HES3: variants seen among roughly 807,000 people sequenced by gnomAD.
HES3 encodes the protein hes family bHLH transcription factor 3, also known as transcription factor HES-3.
HES3 carries 6 observed loss-of-function variants against 8.0 expected under a neutral mutation model. That is an observed-to-expected ratio of 0.75 (90% CI 0.41 to 1.49). HES3 has a LOEUF of 1.49. Ranked by LOEUF, HES3 falls within the 40% of genes most tolerant of loss-of-function variation. The pLI, the probability that HES3 is intolerant of heterozygous loss-of-function variation, is 0.01. For synonymous variants in HES3, 121 were observed against 119.4 expected (o/e 1.01, Z -0.09); for missense variants, 266 against 260.9 (o/e 1.02, Z -0.13).
chr1:6,244,589 G>C lies in HES3; in HGVS notation c.123G>C (p.Leu41Phe). The part of the protein sequence containing the change: ...RKLEKADILE[L>F]SVKYMRSLQN... ...TGGAGAAGGCCGACATCCTGGAGTTGAGCGTGAAGTACATGAGAAGCCTTC... is the reference window on the plus strand; with the variant it reads ...TGGAGAAGGCCGACATCCTGGAGTTCAGCGTGAAGTACATGAGAAGCCTTC... Residue 41 changes from leucine (L) to phenylalanine (F), a missense_variant, in exon 3 of 4, where the codon TTG (leucine) becomes TTC (phenylalanine). Physicochemically the swap from Leu to Phe is conservative, Grantham distance 22. Transcript: ENST00000377898. 6.2e-6 allele frequency: 10 copies of C among 1,614,030 alleles called. No homozygotes were observed. The highest frequency in any genetic ancestry group is 8.5e-6 in the Non-Finnish European group (10 of 1,180,018).
intron 2 of HES3, 31 bp downstream of exon 2, chr1:6,244,477 G>GGGC: frequency 9.1e-7 from 1 of 1,094,486 alleles, no homozygotes; most frequent in Non-Finnish European, 1.4e-6. Context: ...GGGTGGGTGG[G>GGGC]TGATACGATC....
rs967699239 is a variant in HES3 at position 6,245,270 on chromosome 1, G to C, written c.324G>C (p.Gly108=). 1.3e-6 allele frequency: 2 copies of C among 1,500,886 alleles called. No homozygotes were observed. Among genetic ancestry groups the C allele is most frequent in the Non-Finnish European group, 1.8e-6 (2 of 1,133,328 alleles). The allele number at this position is 1,500,886 out of a possible 1,614,324, so 93.0% of individuals were successfully genotyped here. Residue 108 remains glycine (G), a synonymous_variant, in exon 4 of 4, where the codon GGG becomes GGC. Coordinates refer to ENST00000377898, the MANE Select transcript of HES3 (RefSeq NM_001024598.4). The part of the protein sequence containing the change: ...SAAGSTMDSA[G]LGQEAPALFR... ...CCGGCAGCACCATGGACAGCGCCGG[G>C]TTGGGCCAGGAGGCGCCCGCGCTGT...
intron 3 of HES3, 102 bp from the exon 4 acceptor site, chr1:6,245,008 T>TCCTCCCCCCCCCCCCCCCCC: frequency 1.3e-5 from 3 of 225,134 alleles, no homozygotes; most frequent in South Asian, 4.1e-5. Context: ...CTCCCTCCCT[T>TCCTCCCCCCCCCCCCCCCCC]CCTCCCCTCC....
In HES3 at chr1:6,244,360, C is replaced by A. The variant is rs1279590966; in HGVS notation, c.-6C>A. ...GGCTGTTCATCTGCAGATTTCCAAG[C>A]CGCTGATGGAGAAAAAGCGCCGGGC... On this transcript the variant is annotated 5_prime_UTR_variant, in exon 2 of 4. Coordinates refer to ENST00000377898, the MANE Select transcript of HES3 (RefSeq NM_001024598.4). 6.2e-7 allele frequency: 1 copy of A among 1,613,044 alleles called. No homozygotes were observed. The highest frequency in any genetic ancestry group is 1.3e-5 in the African/African-American group (1 of 74,834).
In HES3 at chr1:6,245,436, T is replaced by C. The variant is rs765210193; in HGVS notation, c.490T>C (p.Cys164Arg). ...CCCGCCGCAGCCAGCGTCGAGTCGC[T>C]GCGCCGAGAGTCCCGGGCTGGGCCT... is the stretch of plus-strand genomic sequence containing the variant. The part of the protein sequence containing the change: ...VPPPQPASSR[C>R]AESPGLGLRV... The change falls in exon 4 of 4, where the codon TGC becomes CGC. Residue 164 changes from cysteine (C) to arginine (R), a missense_variant. Coordinates refer to ENST00000377898, the MANE Select transcript of HES3 (RefSeq NM_001024598.4). The C allele has an allele frequency of 3.9e-6, 6 of 1,555,448 alleles. No individual in the cohort carries two copies. The highest frequency in any genetic ancestry group is 5.2e-6 in the Non-Finnish European group (6 of 1,161,998).
Position 6,245,562 on chromosome 1 carries a change from T to A in HES3, c.*55T>A. ...GGGACTATTTTCAGCACGCCCACAG[T>A]GACTGCCAGGACCCCCCAGTCGTCC... On this transcript the variant is annotated 3_prime_UTR_variant, in exon 4 of 4. Transcript: ENST00000377898. 1 of 1,424,474 alleles carries A rather than the reference T, an allele frequency of 7.0e-7. No individual in the cohort carries two copies. Among genetic ancestry groups the A allele is most frequent in the Non-Finnish European group, 9.1e-7 (1 of 1,093,986 alleles). 88.2% of individuals were successfully genotyped at this position (1,424,474 alleles called of 1,614,324 possible).
In HES3 at chr1:6,245,458, G is replaced by A. The variant is rs147194132; in HGVS notation, c.512G>A (p.Gly171Asp). 17 of 1,529,284 alleles carry A rather than the reference G, an allele frequency of 1.1e-5. No homozygotes were observed. In the African/African-American group the frequency reaches 2.0e-4, roughly 18 times the overall value. 94.7% of individuals were successfully genotyped at this position (1,529,284 alleles called of 1,614,324 possible). ...SSRCAESPGLGLRVWRPWGSP... is the reference protein window; with the variant it reads ...SSRCAESPGLDLRVWRPWGSP... ...CGCTGCGCCGAGAGTCCCGGGCTGG[G>A]CCTGCGCGTGTGGCGGCCCTGGGGA... The change falls in exon 4 of 4, where the codon GGC becomes GAC. Residue 171 changes from glycine to aspartate, a missense_variant. Coordinates refer to ENST00000377898, the MANE Select transcript of HES3 (RefSeq NM_001024598.4).
rs771718217 is a variant in HES3, at chr1:6,245,489, C to T, written c.543C>T (p.Pro181=). 2.0e-6 allele frequency: 3 copies of T among 1,511,830 alleles called. No individual in the cohort carries two copies. Among genetic ancestry groups the T allele is most frequent in the Admixed American group, 2.2e-5 (1 of 45,522 alleles). The allele number at this position is 1,511,830 out of a possible 1,614,324, so 93.7% of individuals were successfully genotyped here. Residue 181 remains proline (P), a synonymous_variant, in exon 4 of 4, where the codon CCC becomes CCT. Coordinates refer to ENST00000377898, the MANE Select transcript of HES3 (RefSeq NM_001024598.4). The part of the protein sequence containing the change: ...GLRVWRPWGS[P]GDDLN ...GCGTGTGGCGGCCCTGGGGAAGCCC[C>T]GGGGATGACCTGAACTGAAGGCGCT...
At chr1:6,244,306 G>A (rs1638257296) in intron 1 of HES3, 45 bp from the exon 2 acceptor site, 5 of 1,517,562 alleles carry the variant, frequency 3.3e-6, no homozygotes, top group Non-Finnish European at 4.6e-6. Flanking sequence ...GGTGCCGAGG[G>A]CAGGAGGGTG....
rs371710342 is a variant in HES3, at chr1:6,244,420, C to T, written c.55C>T (p.Leu19=). 2.7e-5 allele frequency: 39 copies of T among 1,457,636 alleles called. No individual in the cohort carries two copies. Among genetic ancestry groups the T allele is most frequent in the Non-Finnish European group, 3.6e-5 (39 of 1,084,840 alleles). The allele number at this position is 1,457,636 out of a possible 1,614,324, so 90.3% of individuals were successfully genotyped here. Residue 19 remains leucine (L), a synonymous_variant, in exon 2 of 4, where the codon CTG becomes TTG. Transcript: ENST00000377898. ...TGTGTCACTGGAGCAGCTCAAGTCG[C>T]TGCTGGAGAAACACTACTCGCACCA... The part of the protein sequence containing the change: ...INVSLEQLKS[L]LEKHYSHQIR...
chr1:6,244,893 G>A (rs1243647241), intron 3 of HES3, among the ~76,000 whole-genome samples: 1 of 151,916 alleles, frequency 6.6e-6, no homozygotes. Flanking sequence ...TGGGTGGTAG[G>A]TCTGGACCCC....
At chr1:6,244,794 G>A (rs1428733731) in intron 3 of HES3, among the ~76,000 whole-genome samples, 165 bp downstream of exon 3, 1 of 152,146 alleles carries the variant, frequency 6.6e-6, no homozygotes, top group African/African-American at 2.4e-5. Context: ...ACAACTCGGA[G>A]GCAGGTGCAG....
chr1:6,244,413 C>G lies in HES3; in HGVS notation c.48C>G (p.Leu16=), dbSNP rs939968165. 6.3e-7 allele frequency: 1 copy of G among 1,597,044 alleles called. No homozygotes were observed. The highest frequency in any genetic ancestry group is 1.4e-5 in the African/African-American group (1 of 71,308). ...RARINVSLEQ[L]KSLLEKHYSH... is the part of the protein sequence containing the mutation. ...GCATCAATGTGTCACTGGAGCAGCT[C>G]AAGTCGCTGCTGGAGAAACACTACT... Residue 16 remains leucine, a synonymous_variant, in exon 2 of 4, where the codon CTC becomes CTG. Transcript: ENST00000377898.
chr1:6,245,407 T>G lies in HES3; in HGVS notation c.461T>G (p.Val154Gly). ...AGTCTCCCTGGCTCGTCCGCCAGCG[T>G]CCCCCCGCCGCAGCCAGCGTCGAGT... Reference protein sequence around the residue: ...PESLPGSSASVPPPQPASSRC... With the variant: ...PESLPGSSASGPPPQPASSRC... The change falls in exon 4 of 4, where the codon GTC becomes GGC. Residue 154 changes from valine (V) to glycine (G), a missense_variant. Coordinates refer to ENST00000377898, the MANE Select transcript of HES3 (RefSeq NM_001024598.4). 2 of 1,536,222 alleles carry G rather than the reference T, an allele frequency of 1.3e-6. No homozygotes were observed. The highest frequency in any genetic ancestry group is 1.7e-6 in the Non-Finnish European group (2 of 1,150,936).
chr1:6,245,428 C>A lies in HES3; in HGVS notation c.482C>A (p.Ser161Ter). Residue 161 changes from serine (S) to a stop codon, truncating the protein, a stop_gained, in exon 4 of 4, where the codon TCG (serine) becomes TAG (stop). Coordinates refer to ENST00000377898, the MANE Select transcript of HES3 (RefSeq NM_001024598.4). LOFTEE classifies it low-confidence loss of function (END_TRUNC). Reference sequence around the variant, plus strand: ...AGCGTCCCCCCGCCGCAGCCAGCGTCGAGTCGCTGCGCCGAGAGTCCCGGG... The same window carrying A: ...AGCGTCCCCCCGCCGCAGCCAGCGTAGAGTCGCTGCGCCGAGAGTCCCGGG... ...SASVPPPQPA[S>*]SRCAESPGLG... The A allele has an allele frequency of 6.4e-7, 1 of 1,554,084 alleles. No individual in the cohort carries two copies. Among genetic ancestry groups the A allele is most frequent in the East Asian group, 2.5e-5 (1 of 40,564 alleles).
chr1:6,244,329 T>C (rs1557607175), intron 1 of HES3, 22 bp from the exon 2 acceptor site: 1 of 1,606,040 alleles, frequency 6.2e-7, no homozygotes, highest in East Asian at 2.2e-5. Context: ...AGTCCTGCAC[T>C]CTAAAGGCTG....
chr1:6,244,491 A>G, intron 2 of HES3, 45 bp downstream of exon 2: 1 of 1,610,708 alleles, frequency 6.2e-7, no homozygotes, highest in Non-Finnish European at 8.5e-7. Context: ...TACGATCCCA[A>G]CCTCCCTCTC....
At chr1:6,244,870 T>G (rs1485799413) in intron 3 of HES3, among the ~76,000 whole-genome samples, 1 of 151,950 alleles carries the variant, frequency 6.6e-6, no homozygotes, top group Non-Finnish European at 1.5e-5. Flanking sequence ...GGGCTGGCTG[T>G]GCGATTGCAA....
chr1:6,245,177 C>T lies in HES3; in HGVS notation c.231C>T (p.Ser77=). 1 of 1,531,084 alleles carries T rather than the reference C, an allele frequency of 6.5e-7. No individual in the cohort carries two copies. The allele number at this position is 1,531,084 out of a possible 1,614,324, so 94.8% of individuals were successfully genotyped here. ...SGFRSCLPGV[S]QLLRRGDEVG... ...TCCGCAGCTGCCTGCCCGGCGTGAG[C>T]CAGCTCCTTCGGCGCGGAGATGAGG... The change falls in exon 4 of 4, where the codon AGC becomes AGT. Residue 77 remains serine, a synonymous_variant. Coordinates refer to ENST00000377898, the MANE Select transcript of HES3 (RefSeq NM_001024598.4).
Sources: gnomAD v4.1 joint callset for allele counts (sites outside exome capture counted in the v4.1 genomes callset) on GRCh38, gnomAD v4.1.1 for gene constraint, MANE v1.5 for transcripts, NCBI Gene and HGNC (gene_info 2026-07-23, HGNC 2026-07-21) for gene names.